OR2T12: variants seen among roughly 807,000 people sequenced by gnomAD.
The protein encoded by OR2T12 is olfactory receptor 2T12.
For synonymous variants in OR2T12, 127 were observed against 160.5 expected, an observed-to-expected ratio of 0.79 and a Z score of 1.58; for missense variants, 335 against 404.3, an observed-to-expected ratio of 0.83 and a Z score of 1.47.
At chr1:248,297,930 G>A (rs1293008872) in intron 2 of OR2T12, among the ~76,000 whole-genome samples, 19 of 150,220 alleles carry the variant, frequency 1.3e-4, no homozygotes. Flanking sequence ...TCTTGTGCCA[G>A]TTTTCAAAGG....
intron 2 of OR2T12, among the ~76,000 whole-genome samples, chr1:248,299,038 C>G (rs1011299734): frequency 9.2e-5 from 14 of 152,110 alleles, no homozygotes; most frequent in Non-Finnish European, 2.1e-4. Context: ...GAAGGAAGCA[C>G]TAAACATGGA....
At chr1:248,297,433 A>T (rs1659747185) in intron 2 of OR2T12, among the ~76,000 whole-genome samples, 1 of 151,748 alleles carries the variant, frequency 6.6e-6, no homozygotes, top group Admixed American at 6.6e-5. Context: ...GAATCTATAA[A>T]TTACCTTGGG....
At chr1:248,299,866 G>T (rs568481116) in intron 2 of OR2T12, among the ~76,000 whole-genome samples, 1 of 152,006 alleles carries the variant, frequency 6.6e-6, no homozygotes, top group Non-Finnish European at 1.5e-5. Context: ...AAACTAGAAC[G>T]CAGGATTAAG....
At position 248,294,679 on chromosome 1, in the gene OR2T12, T is replaced by C. The variant is rs902720083; in HGVS notation, c.900A>G (p.Lys300=). The change falls in exon 3 of 3, where the codon AAA becomes AAG. Residue 300 remains lysine (K), a synonymous_variant. Coordinates refer to ENST00000641276, the MANE Select transcript of OR2T12 (RefSeq NM_001004692.2). ...VRNSEVKEAL[K]RWLGTCVNLK... is the part of the protein sequence containing the mutation. ...GGTTTACACACGTCCCCAGCCACCG[T>C]TTCAGGGCTTCCTTGACCTCACTGT... 6.2e-7 allele frequency: 1 copy of C among 1,613,940 alleles called. No homozygotes were observed. Among genetic ancestry groups the C allele is most frequent in the African/African-American group, 1.3e-5 (1 of 74,890 alleles).
chr1:248,299,441 G>T (rs895456003), intron 2 of OR2T12, among the ~76,000 whole-genome samples: 3 of 151,878 alleles, frequency 2.0e-5, no homozygotes, highest in Non-Finnish European at 4.4e-5. Flanking sequence ...GACAAAGAAG[G>T]CCATCACATA....
chr1:248,300,420 T>G (rs936075872), intron 2 of OR2T12, among the ~76,000 whole-genome samples: 1 of 152,158 alleles, frequency 6.6e-6, no homozygotes, highest in Admixed American at 6.6e-5. Flanking sequence ...TATTGGTATC[T>G]GAGATCTAGG....
chr1:248,294,796 T>A lies in OR2T12; in HGVS notation c.783A>T (p.Lys261Asn). 5 of 1,613,868 alleles carry A rather than the reference T, an allele frequency of 3.1e-6. No individual in the cohort carries two copies. The highest frequency in any genetic ancestry group is 4.2e-6 in the Non-Finnish European group (5 of 1,179,886). ...TATCGTGGTTAGTGGACCTGTGGGATTTGGGTCTCATATAGGTAAAAATGC... is the reference window on the plus strand; with the variant it reads ...TATCGTGGTTAGTGGACCTGTGGGAATTGGGTCTCATATAGGTAAAAATGC... ...GAGIFTYMRP[K>N]SHRSTNHDKV... is the part of the protein sequence containing the mutation. Residue 261 changes from lysine (K) to asparagine (N), a missense_variant, in exon 3 of 3, where the codon AAA (lysine) becomes AAT (asparagine). Coordinates refer to ENST00000641276, the MANE Select transcript of OR2T12 (RefSeq NM_001004692.2).
In OR2T12 at chr1:248,295,398, G is replaced by A. The variant is rs769795021; in HGVS notation, c.181C>T (p.Leu61=). ...ATGTCCATGAGGGAAAGTTGGCTCA[G>A]GAGGAAGTACATGGGCCTGTGGAGC... ...HRLHRPMYFL[L]SQLSLMDMML... The change falls in exon 3 of 3, where the codon CTG becomes TTG. Residue 61 remains leucine, a synonymous_variant. Coordinates refer to ENST00000641276, the MANE Select transcript of OR2T12 (RefSeq NM_001004692.2). 1 of 1,604,306 alleles carries A rather than the reference G, an allele frequency of 6.2e-7. No homozygotes were observed. The highest frequency in any genetic ancestry group is 8.5e-7 in the Non-Finnish European group (1 of 1,173,642).
At chr1:248,298,262 A>T (rs1409634552) in intron 2 of OR2T12, among the ~76,000 whole-genome samples, 1 of 152,158 alleles carries the variant, frequency 6.6e-6, no homozygotes, top group Non-Finnish European at 1.5e-5. Flanking sequence ...CCAGTATTTT[A>T]TTGAGGATTT....
At chr1:248,295,871 T>C (rs1659718154) in intron 2 of OR2T12, among the ~76,000 whole-genome samples, 2 of 152,240 alleles carry the variant, frequency 1.3e-5, no homozygotes, top group Admixed American at 1.3e-4. Context: ...TTTTTAATTA[T>C]ACTTTAAGTT....
rs1393391564 is a variant in OR2T12, at chr1:248,290,911, A to T, written c.*3705T>A. 8 of 152,048 alleles carry T rather than the reference A, an allele frequency of 5.3e-5. No individual in the cohort carries two copies. The highest frequency in any genetic ancestry group is 1.4e-4 in the African/African-American group (6 of 41,412). 9.4% of individuals were successfully genotyped at this position (152,048 alleles called of 1,614,324 possible). A position where few individuals can be genotyped will look rare whatever the true frequency, so the allele number is the denominator to read the frequency against. On this transcript the variant is annotated 3_prime_UTR_variant, in exon 3 of 3. Coordinates refer to ENST00000641276, the MANE Select transcript of OR2T12 (RefSeq NM_001004692.2). ...ATTTGCATTTCTATAAGGACCAGTG[A>T]TGATGAGCTTTTTTTCATATATTTC...
chr1:248,303,282 C>T (rs1659835529), intron 1 of OR2T12, 64 bp downstream of exon 1: 1 of 152,116 alleles, frequency 6.6e-6, no homozygotes, highest in South Asian at 2.1e-4. Context: ...TTAATCATCA[C>T]CACGTTCAGC....
chr1:248,302,457 G>T (rs938975891), intron 1 of OR2T12, among the ~76,000 whole-genome samples: 1 of 152,086 alleles, frequency 6.6e-6, no homozygotes, highest in Non-Finnish European at 1.5e-5. Flanking sequence ...AAGTTTACAT[G>T]ATCAGAGAGA....
At position 248,294,830 on chromosome 1, in the gene OR2T12, T is replaced by A; in HGVS notation, c.749A>T (p.Tyr250Phe). 1 of 1,613,164 alleles carries A rather than the reference T, an allele frequency of 6.2e-7. No homozygotes were observed. The change falls in exon 3 of 3, where the codon TAT (tyrosine) becomes TTT (phenylalanine). Residue 250 changes from tyrosine to phenylalanine, a missense_variant. By Grantham distance (22) the Tyr-to-Phe change is conservative. Transcript: ENST00000641276. ...CATATAGGTAAAAATGCCAGCTCCA[T>A]AAAAGAGTCCCACCACAGCCACATG... is the stretch of plus-strand genomic sequence containing the variant. Reference protein sequence around the residue: ...SSHVAVVGLFYGAGIFTYMRP... With the variant: ...SSHVAVVGLFFGAGIFTYMRP...
At chr1:248,301,949 G>A (rs1330438338) in intron 1 of OR2T12, among the ~76,000 whole-genome samples, 1 of 151,612 alleles carries the variant, frequency 6.6e-6, no homozygotes, top group Admixed American at 6.6e-5. Context: ...CAGAGCAATA[G>A]TAACACAGAA....
Position 248,294,824 on chromosome 1 carries a change from G to A in OR2T12, c.755C>T (p.Ala252Val). Reference sequence around the variant, plus strand: ...GGGTCTCATATAGGTAAAAATGCCAGCTCCATAAAAGAGTCCCACCACAGC... The same window carrying A: ...GGGTCTCATATAGGTAAAAATGCCAACTCCATAAAAGAGTCCCACCACAGC... The part of the protein sequence containing the change: ...HVAVVGLFYG[A>V]GIFTYMRPKS... Residue 252 changes from alanine to valine, a missense_variant, in exon 3 of 3, where the codon GCT (alanine) becomes GTT (valine). Transcript: ENST00000641276. 6.2e-7 allele frequency: 1 copy of A among 1,613,414 alleles called. No homozygotes were observed. Among genetic ancestry groups the A allele is most frequent in the Non-Finnish European group, 8.5e-7 (1 of 1,179,854 alleles).
intron 2 of OR2T12, among the ~76,000 whole-genome samples, chr1:248,296,049 C>T (rs1432111642): frequency 6.7e-6 from 1 of 150,238 alleles, no homozygotes; most frequent in African/African-American, 2.5e-5. Flanking sequence ...GTTCCCCTTC[C>T]TGTGTCCATG....
chr1:248,296,377 G>C (rs933683023), intron 2 of OR2T12, among the ~76,000 whole-genome samples: 1 of 152,152 alleles, frequency 6.6e-6, no homozygotes, highest in Non-Finnish European at 1.5e-5. Flanking sequence ...CCCAGTAATG[G>C]GATGGCTGGG....
chr1:248,295,988 G>A (rs978724291), intron 2 of OR2T12, among the ~76,000 whole-genome samples: 2 of 151,512 alleles, frequency 1.3e-5, no homozygotes, highest in Non-Finnish European at 2.9e-5. Flanking sequence ...GTATCTCCCA[G>A]TGCTATCCCT....
Sources: gnomAD v4.1 joint callset for allele counts (sites outside exome capture counted in the v4.1 genomes callset) on GRCh38, gnomAD v4.1.1 for gene constraint, MANE v1.5 for transcripts, NCBI Gene and HGNC (gene_info 2026-07-23, HGNC 2026-07-21) for gene names.